CHST15: variants seen among roughly 807,000 people sequenced by gnomAD.
CHST15 encodes the protein B cell RAG associated protein (GALNAC4S-6ST).
A neutral mutation model predicts 53.6 loss-of-function variants in CHST15; 30 were observed. The observed-to-expected ratio is 0.56, with a 90% confidence interval of 0.42 to 0.76. The LOEUF (loss-of-function observed/expected upper bound fraction) is 0.76, where lower values mean the gene tolerates loss of function less well. Among genes scored for constraint, CHST15 ranks in the 30% least tolerant of loss-of-function variants. CHST15 has a pLI of 0.00. For missense variants in CHST15, 627 were observed against 740.5 expected, an observed-to-expected ratio of 0.85 and a Z score of 1.78; for synonymous variants, 296 against 289.8, an observed-to-expected ratio of 1.02 and a Z score of -0.22.
chr10:124,027,727 C>T (rs1002421997), intron 5 of CHST15, among the ~76,000 whole-genome samples: 4 of 152,196 alleles, frequency 2.6e-5, no homozygotes, highest in Non-Finnish European at 5.9e-5. Flanking sequence ...ATGTGGGCCA[C>T]CCCATTTTAC....
At chr10:124,045,051 C>T (rs1947912934) in intron 2 of CHST15, 132 bp from the exon 3 acceptor site, 2 of 282,736 alleles carry the variant, frequency 7.1e-6, no homozygotes, top group Non-Finnish European at 1.1e-5. Context: ...CAATGATTAA[C>T]AAATAAAGCA....
At chr10:124,015,562 C>G (rs1465808422) in intron 6 of CHST15, among the ~76,000 whole-genome samples, 1 of 152,082 alleles carries the variant, frequency 6.6e-6, no homozygotes, top group African/African-American at 2.4e-5. Context: ...CACTTCTCCC[C>G]AGACAGGTAC....
At chr10:124,044,219 A>T (rs183330480) in intron 3 of CHST15, among the ~76,000 whole-genome samples, 3 of 150,072 alleles carry the variant, frequency 2.0e-5, no homozygotes, top group Admixed American at 6.6e-5. Flanking sequence ...GGCACAGAGC[A>T]GGGAATAGCA....
chr10:124,093,065 G>C (rs1949652790), intron 1 of CHST15, among the ~76,000 whole-genome samples: 1 of 152,196 alleles, frequency 6.6e-6, no homozygotes, highest in South Asian at 2.1e-4. Context: ...GTGTGTCGCC[G>C]CTGGGTAACC....
At chr10:124,020,244 T>G (rs528111746) in intron 6 of CHST15, 1 of 985,188 alleles carries the variant, frequency 1.0e-6, no homozygotes, top group East Asian at 1.1e-4. Context: ...AGCAACTGAG[T>G]CTCAGAAAGG....
At chr10:124,060,571 C>T (rs1183159116) in intron 1 of CHST15, among the ~76,000 whole-genome samples, 1 of 150,532 alleles carries the variant, frequency 6.6e-6, no homozygotes, top group African/African-American at 2.4e-5. Context: ...GTGCCAACCC[C>T]ACCAGGAGTG....
intron 1 of CHST15, among the ~76,000 whole-genome samples, chr10:124,066,909 T>C (rs1335579190): frequency 6.6e-6 from 1 of 152,260 alleles, no homozygotes; most frequent in Admixed American, 6.5e-5. Flanking sequence ...GCACATGCCT[T>C]GGGCTTAGCC....
At position 124,045,678 on chromosome 10, in the gene CHST15, G is replaced by C. The variant is rs1171927503; in HGVS notation, c.535C>G (p.Gln179Glu). The change falls in exon 2 of 8, where the codon CAG (glutamine) becomes GAG (glutamate). Residue 179 changes from glutamine to glutamate, a missense_variant. Coordinates refer to ENST00000435907, the MANE Select transcript of CHST15 (RefSeq NM_001270764.2). The part of the protein sequence containing the change: ...QLPDLEDLKK[Q>E]ELHMFSVIPN... ...ACAAAGCTACTCACATGCAACTCCT[G>C]CTTCTTAAGGTCTTCTAAGTCTGGG... The C allele has an allele frequency of 1.3e-6, 2 of 1,591,858 alleles. No individual in the cohort carries two copies. Among genetic ancestry groups the C allele is most frequent in the Non-Finnish European group, 8.6e-7 (1 of 1,168,614 alleles).
At chr10:124,050,043 G>A (rs770521489) in intron 1 of CHST15, among the ~76,000 whole-genome samples, 1 of 151,994 alleles carries the variant, frequency 6.6e-6, no homozygotes, top group African/African-American at 2.4e-5. Flanking sequence ...TGGGCGTGGG[G>A]GTGGGGGCCT....
intron 5 of CHST15, among the ~76,000 whole-genome samples, chr10:124,022,328 A>C (rs1946818569): frequency 6.6e-6 from 1 of 152,242 alleles, no homozygotes; most frequent in Non-Finnish European, 1.5e-5. Context: ...CCAAAAAACC[A>C]GGGGATACAC....
At chr10:124,039,273 A>G (rs996969214) in intron 4 of CHST15, among the ~76,000 whole-genome samples, 1 of 152,202 alleles carries the variant, frequency 6.6e-6, no homozygotes, top group African/African-American at 2.4e-5. Context: ...AAAGAGAAAG[A>G]GCTGGGGCAG....
intron 2 of CHST15, among the ~76,000 whole-genome samples, 183 bp downstream of exon 2, chr10:124,045,484 A>G (rs1373568975): frequency 6.6e-6 from 1 of 152,250 alleles, no homozygotes; most frequent in East Asian, 1.9e-4. Context: ...CTGGCACTCC[A>G]TAGCGTAAGC....
chr10:124,044,717 A>T lies in CHST15; in HGVS notation c.749T>A (p.Leu250Gln). The T allele has an allele frequency of 6.2e-7, 1 of 1,613,814 alleles. No homozygotes were observed. The highest frequency in any genetic ancestry group is 8.5e-7 in the Non-Finnish European group (1 of 1,179,910). Residue 250 changes from leucine (L) to glutamine (Q), a missense_variant, in exon 3 of 8, where the codon CTG (leucine) becomes CAG (glutamine). Physicochemically the swap from Leu to Gln is moderately radical, Grantham distance 113. Coordinates refer to ENST00000435907, the MANE Select transcript of CHST15 (RefSeq NM_001270764.2). ...LAHAHGKHFR[L>Q]RCLPHFYIIG... ...GATGTAGAAGTGCGGCAGGCAGCGCAGGCGGAAGTGCTTCCCGTGCGCGTG... is the reference window on the plus strand; with the variant it reads ...GATGTAGAAGTGCGGCAGGCAGCGCTGGCGGAAGTGCTTCCCGTGCGCGTG...
chr10:124,031,123 A>G (rs775600839), intron 5 of CHST15, among the ~76,000 whole-genome samples: 4 of 152,228 alleles, frequency 2.6e-5, no homozygotes, highest in South Asian at 2.1e-4. Flanking sequence ...GTCCTGTCCA[A>G]TGATGGGTGG....
At chr10:124,071,897 C>A (rs7897897) in intron 1 of CHST15, among the ~76,000 whole-genome samples, 12 of 152,190 alleles carry the variant, frequency 7.9e-5, no homozygotes, top group African/African-American at 2.7e-4. Flanking sequence ...TCAAGCATGA[C>A]CCTGTGGAGC....
intron 6 of CHST15, chr10:124,020,950 G>A: frequency 7.2e-7 from 1 of 1,391,794 alleles, no homozygotes; most frequent in South Asian, 1.7e-5. Flanking sequence ...CCTCATGTCT[G>A]CCGATTCTAA....
intron 5 of CHST15, among the ~76,000 whole-genome samples, chr10:124,037,542 T>G (rs928333321): frequency 2.6e-5 from 4 of 152,218 alleles, no homozygotes; most frequent in African/African-American, 4.8e-5. Flanking sequence ...AGGTGCCCCC[T>G]TAGCTCTGAT....
chr10:124,037,794 C>G (rs918217837), intron 5 of CHST15, among the ~76,000 whole-genome samples: 2 of 152,236 alleles, frequency 1.3e-5, no homozygotes, highest in Non-Finnish European at 1.5e-5. Context: ...AAGCTGGAAA[C>G]TGTACATTCA....
rs1403954379 is a variant in CHST15, at chr10:124,009,664, A to G, written c.*485T>C. 1.0e-6 allele frequency: 1 copy of G among 1,002,840 alleles called. No individual in the cohort carries two copies. Among genetic ancestry groups the G allele is most frequent in the Non-Finnish European group, 1.2e-6 (1 of 839,484 alleles). 62.1% of individuals were successfully genotyped at this position (1,002,840 alleles called of 1,614,324 possible). A position where few individuals can be genotyped will look rare whatever the true frequency, so the allele number is the denominator to read the frequency against. On this transcript the variant is annotated 3_prime_UTR_variant, in exon 8 of 8. Coordinates refer to ENST00000435907, the MANE Select transcript of CHST15 (RefSeq NM_001270764.2). ...TATGATCACACCTGTGAAGATAGCC[A>G]TTGAATACAGACAGTCTGTGCAACA...
Sources: gnomAD v4.1 joint callset for allele counts (sites outside exome capture counted in the v4.1 genomes callset) on GRCh38, gnomAD v4.1.1 for gene constraint, MANE v1.5 for transcripts, NCBI Gene and HGNC (gene_info 2026-07-23, HGNC 2026-07-21) for gene names.